NTN1: variants seen among roughly 807,000 people sequenced by gnomAD.
NTN1 encodes netrin 1.
NTN1 carries 11 observed loss-of-function variants against 54.2 expected under a neutral mutation model. The ratio of observed to expected loss-of-function variants is 0.20; its 90% confidence interval spans 0.13 to 0.34. NTN1 has a LOEUF of 0.34. Among genes scored for constraint, NTN1 ranks in the 10% least tolerant of loss-of-function variants. The pLI, the probability that NTN1 is intolerant of heterozygous loss-of-function variation, is 1.00. For synonymous variants in NTN1, 371 were observed against 382.0 expected (o/e 0.97, Z 0.33); for missense variants, 740 against 893.1 (o/e 0.83, Z 2.18).
chr17:9,086,217 A>G (rs1457414219), intron 2 of NTN1, among the ~76,000 whole-genome samples: 3 of 151,886 alleles, frequency 2.0e-5, no homozygotes, highest in African/African-American at 7.2e-5. Flanking sequence ...AAAACTAACA[A>G]ATAAGCCGAG....
At chr17:9,038,322 A>G (rs1375439379) in intron 2 of NTN1, among the ~76,000 whole-genome samples, 27 of 141,718 alleles carry the variant, frequency 1.9e-4, no homozygotes, top group Non-Finnish European at 3.1e-5. Flanking sequence ...CCTTTTCCCC[A>G]TAACACTCAT....
chr17:9,217,757 T>C (rs1905244928), intron 5 of NTN1, among the ~76,000 whole-genome samples: 3 of 150,826 alleles, frequency 2.0e-5, no homozygotes, highest in Non-Finnish European at 4.4e-5. Flanking sequence ...GCAAGCTTGG[T>C]CTTTGTTTTC....
the NTN1 span, among the ~76,000 whole-genome samples, chr17:9,004,552 G>T: frequency 4.7e-4 from 71 of 152,314 alleles, no homozygotes; most frequent in African/African-American, 1.6e-3. Flanking sequence ...GAATGCTGGG[G>T]CCTTCCTGTT....
In NTN1 at chr17:9,232,214, C is replaced by T. The variant is rs893422013; in HGVS notation, c.1487-7426C>T. ...CGGCTGCGGCTTCCTCCTTGGGCAG[C>T]AGGCTCTCCCCCAGGCTGCTGTGCT... On this transcript the variant is annotated intron_variant, in intron 6 of 6. Coordinates refer to ENST00000173229, the MANE Select transcript of NTN1 (RefSeq NM_004822.3). Among the ~76,000 whole-genome samples, 16 of 152,202 alleles carry T rather than the reference C, an allele frequency of 1.1e-4. 1 individual carries two copies. The highest frequency in any genetic ancestry group is 8.5e-4 in the Admixed American group (13 of 15,284).
At chr17:9,225,044 C>T (rs538297100) in intron 6 of NTN1, among the ~76,000 whole-genome samples, 7 of 152,124 alleles carry the variant, frequency 4.6e-5, no homozygotes, top group East Asian at 3.9e-4. Flanking sequence ...GGGCGGATCA[C>T]GAGGTCAGGA....
At chr17:9,085,221 A>T (rs575413419) in intron 2 of NTN1, among the ~76,000 whole-genome samples, 190 of 152,256 alleles carry the variant, frequency 1.2e-3, no homozygotes, top group Admixed American at 3.3e-3. Context: ...CATGATTGTC[A>T]TCCAGAGCAG....
At chr17:9,177,952 T>C (rs2092405335) in intron 3 of NTN1, 1 of 152,240 alleles carries the variant, frequency 6.6e-6, no homozygotes, top group Middle Eastern at 3.2e-3. Context: ...CCCAGCACTT[T>C]GGGAGGCCAA....
rs146793027 is a variant in NTN1, at chr17:9,239,651, C to T, written c.1498C>T (p.His500Tyr). ...GTGCTTCCTTGCAGCCGTCCAGATC[C>T]ACATCCTGAAGGCGGACAAGGCGGG... ...YCKKDYAVQIHILKADKAGDW... is the reference protein window; with the variant it reads ...YCKKDYAVQIYILKADKAGDW... Residue 500 changes from histidine (H) to tyrosine (Y), a missense_variant, in exon 7 of 7, where the codon CAC becomes TAC. His to Tyr is a moderately conservative substitution (Grantham distance 83). Coordinates refer to ENST00000173229, the MANE Select transcript of NTN1 (RefSeq NM_004822.3). This position sits in a 1 kb window ranked among gnomAD's most constrained non-coding sequence, Gnocchi z 5.2. 17 of 1,609,562 alleles carry T rather than the reference C, an allele frequency of 1.1e-5. No individual in the cohort carries two copies. Among genetic ancestry groups the T allele is most frequent in the Middle Eastern group, 1.7e-4 (1 of 6,048 alleles).
intron 2 of NTN1, among the ~76,000 whole-genome samples, chr17:9,110,533 A>G (rs555552161): frequency 6.6e-6 from 1 of 151,616 alleles, no homozygotes; most frequent in African/African-American, 2.4e-5. Flanking sequence ...TTGGCCTCCC[A>G]AAGTGCTGGG....
chr17:9,201,812 C>G lies in NTN1; in HGVS notation c.1411+18843C>G, dbSNP rs558084824. Among the ~76,000 whole-genome samples, 3 of 152,028 alleles carry G rather than the reference C, an allele frequency of 2.0e-5. 1 individual carries two copies. Among genetic ancestry groups the G allele is most frequent in the African/African-American group, 4.8e-5 (2 of 41,470 alleles). ...GGGAAACAGACTCAGAGGATGCCCTCTAAAACTGGGAAGCAAATATGGAGC... is the reference window on the plus strand; with the variant it reads ...GGGAAACAGACTCAGAGGATGCCCTGTAAAACTGGGAAGCAAATATGGAGC... On this transcript the variant is annotated intron_variant, in intron 5 of 6. Coordinates refer to ENST00000173229, the MANE Select transcript of NTN1 (RefSeq NM_004822.3).
chr17:9,173,470 C>T (rs2092392692), intron 3 of NTN1: 1 of 152,506 alleles, frequency 6.6e-6, no homozygotes, highest in South Asian at 2.1e-4. Context: ...CCCTTGCTGA[C>T]TCTTTGGACT....
At chr17:9,193,332 C>G (rs982466524) in intron 5 of NTN1, among the ~76,000 whole-genome samples, 1 of 152,122 alleles carries the variant, frequency 6.6e-6, no homozygotes, top group South Asian at 2.1e-4. Flanking sequence ...GGGAGAAAAG[C>G]ATGGGGGACA....
chr17:9,159,284 C>T (rs1253911111), intron 2 of NTN1, among the ~76,000 whole-genome samples: 1 of 152,128 alleles, frequency 6.6e-6, no homozygotes, highest in Non-Finnish European at 1.5e-5. Flanking sequence ...GGGAAATGCC[C>T]AACCTTCCTA....
chr17:9,108,456 C>T (rs1316843484), intron 2 of NTN1, among the ~76,000 whole-genome samples: 18 of 152,178 alleles, frequency 1.2e-4, no homozygotes, highest in Admixed American at 1.2e-3. Context: ...GGAGGGTTTT[C>T]GACTTTCTGG....
At chr17:9,238,817 C>T (rs575207762) in intron 6 of NTN1, among the ~76,000 whole-genome samples, 1 of 152,366 alleles carries the variant, frequency 6.6e-6, no homozygotes, top group Non-Finnish European at 1.5e-5. Context: ...GAGTCAATGA[C>T]ATCGGCACCA....
intron 6 of NTN1, among the ~76,000 whole-genome samples, chr17:9,222,384 T>G (rs1905389265): frequency 1.3e-5 from 2 of 152,264 alleles, no homozygotes; most frequent in Admixed American, 6.5e-5. Flanking sequence ...CTCTCTGTTC[T>G]GCTCAGCTTC....
chr17:9,128,847 GAAC>G (rs903347881), intron 2 of NTN1, among the ~76,000 whole-genome samples: 2 of 152,138 alleles, frequency 1.3e-5, no homozygotes, highest in African/African-American at 4.8e-5. Flanking sequence ...TGCACTGAGA[GAAC>G]AAAAAGAAAT....
intron 2 of NTN1, among the ~76,000 whole-genome samples, chr17:9,143,459 C>T (rs1307139799): frequency 1.5e-5 from 2 of 136,600 alleles, no homozygotes; most frequent in East Asian, 4.7e-4. Context: ...GCCCCTTCTC[C>T]AGCATCCTCA....
chr17:9,090,141 T>A (rs1316988579), intron 2 of NTN1, among the ~76,000 whole-genome samples: 4 of 151,366 alleles, frequency 2.6e-5, no homozygotes, highest in African/African-American at 4.8e-5. Context: ...CATCTTTTGG[T>A]AGGAGCCGGG....
Sources: gnomAD v4.1 joint callset for allele counts (sites outside exome capture counted in the v4.1 genomes callset) on GRCh38, gnomAD v4.1.1 for gene constraint, Gnocchi (gnomAD v3.1) non-coding constraint, MANE v1.5 for transcripts, NCBI Gene and HGNC (gene_info 2026-07-23, HGNC 2026-07-21) for gene names.